Variants in RHNO1 observed in about 807,000 individuals in gnomAD.
RHNO1 encodes the protein RAD9, HUS1, RAD1-interacting nuclear orphan protein 1.
RHNO1 carries 9 observed loss-of-function variants against 7.2 expected under a neutral mutation model. The observed-to-expected ratio is 1.25, with a 90% CI of 0.75 to 2.18. The LOEUF (loss-of-function observed/expected upper bound fraction) is 2.18. Among genes scored for constraint, RHNO1 ranks in the 30% most tolerant of loss-of-function variants. RHNO1 has a pLI of 0.00. For synonymous variants in RHNO1, 95 were observed against 107.5 expected (o/e 0.88, Z 0.72); for missense variants, 292 against 284.5 (o/e 1.03, Z -0.19).
At chr12:2,880,234 G>A (rs2098155667) in intron 1 of RHNO1, among the ~76,000 whole-genome samples, 1 of 152,116 alleles carries the variant, frequency 6.6e-6, no homozygotes, top group South Asian at 2.1e-4. Flanking sequence ...AAGAGTTTGA[G>A]GCTGCAGTGA....
chr12:2,886,629 C>G (rs1162179222), intron 2 of RHNO1, among the ~76,000 whole-genome samples: 1 of 141,122 alleles, frequency 7.1e-6, no homozygotes, highest in Non-Finnish European at 1.5e-5. Context: ...GCACTCCAGC[C>G]TGGGCAACAG....
At chr12:2,877,469 C>T (rs2098148495) in intron 1 of RHNO1, among the ~76,000 whole-genome samples, 187 bp downstream of exon 1, 2 of 152,200 alleles carry the variant, frequency 1.3e-5, no homozygotes, top group Admixed American at 6.5e-5. Context: ...GGCGACACGC[C>T]CCCGCTTCCC....
chr12:2,879,781 A>G (rs2098155061), intron 1 of RHNO1, among the ~76,000 whole-genome samples: 1 of 151,922 alleles, frequency 6.6e-6, no homozygotes, highest in African/African-American at 2.4e-5. Flanking sequence ...ATACAGGCAG[A>G]TGAGTTTGCC....
rs1047405634 is a variant in RHNO1 at position 2,888,191 on chromosome 12, A to G, written c.449A>G (p.Tyr150Cys). The G allele has an allele frequency of 2.5e-6, 4 of 1,613,998 alleles. No homozygotes were observed. The highest frequency in any genetic ancestry group is 3.4e-6 in the Non-Finnish European group (4 of 1,180,036). The change falls in exon 3 of 3, where the codon TAT becomes TGT. Residue 150 changes from tyrosine (Y) to cysteine (C), a missense_variant. Physicochemically the swap from Tyr to Cys is radical, Grantham distance 194. Coordinates refer to ENST00000489288, the MANE Select transcript of RHNO1 (RefSeq NM_001252499.3). ...GTGCAGGCACTTCAGAGCTTACCTT[A>G]TGTGTTCATTCCACCTGATATCCAG... ...MSVQALQSLP[Y>C]VFIPPDIQTP...
chr12:2,879,884 AAAG>A (rs2098155203), intron 1 of RHNO1, among the ~76,000 whole-genome samples: 1 of 152,052 alleles, frequency 6.6e-6, no homozygotes, highest in South Asian at 2.1e-4. Flanking sequence ...ATTAGAGCAG[AAAG>A]AAGATAGATG....
intron 1 of RHNO1, among the ~76,000 whole-genome samples, chr12:2,883,350 T>A (rs1422935786): frequency 6.7e-6 from 1 of 150,182 alleles, no homozygotes; most frequent in African/African-American, 2.4e-5. Flanking sequence ...TACTCTAGCC[T>A]AGGCAACAGA....
intron 2 of RHNO1, 34 bp downstream of exon 2, chr12:2,885,568 T>G (rs1349301134): frequency 2.0e-5 from 13 of 649,194 alleles, no homozygotes; most frequent in South Asian, 1.1e-4. Context: ...GACATTTTTT[T>G]TTTTTTTTTT....
intron 1 of RHNO1, among the ~76,000 whole-genome samples, chr12:2,883,511 A>ATATTTT (rs2098161542): frequency 1.1e-4 from 3 of 26,826 alleles, no homozygotes; most frequent in African/African-American, 3.3e-4. Flanking sequence ...ATATATATAT[A>ATATTTT]TTTTTTTTTT....
chr12:2,887,607 C>T (rs965089190), intron 2 of RHNO1, among the ~76,000 whole-genome samples: 9 of 152,104 alleles, frequency 5.9e-5, no homozygotes, highest in Admixed American at 2.6e-4. Context: ...GAGATGGTGC[C>T]GCTGCATTCC....
intron 1 of RHNO1, among the ~76,000 whole-genome samples, chr12:2,877,676 C>G (rs979822997): frequency 4.6e-5 from 7 of 152,192 alleles, no homozygotes; most frequent in African/African-American, 1.4e-4. Flanking sequence ...TACCTCAGCG[C>G]GAAACCTGTC....
At chr12:2,879,626 GC>G (rs1353509053) in intron 1 of RHNO1, among the ~76,000 whole-genome samples, 4 of 151,714 alleles carry the variant, frequency 2.6e-5, no homozygotes, top group Non-Finnish European at 5.9e-5. Context: ...GAGCCACTGC[GC>G]TCAGCCTTAC....
chr12:2,886,275 CTGTT>C (rs1295235711), intron 2 of RHNO1: 2 of 152,196 alleles, frequency 1.3e-5, no homozygotes, highest in East Asian at 3.8e-4. Context: ...GCTAGATACT[CTGTT>C]TATTGTGTAA....
intron 1 of RHNO1, among the ~76,000 whole-genome samples, chr12:2,880,682 A>G (rs2098156381): frequency 6.6e-6 from 1 of 152,084 alleles, no homozygotes; most frequent in Non-Finnish European, 1.5e-5. Flanking sequence ...CACCTAGGCT[A>G]GAGTGCAGTG....
At chr12:2,883,511 ATTTTTTTT>A (rs869192550) in intron 1 of RHNO1, among the ~76,000 whole-genome samples, 52 of 26,830 alleles carry the variant, frequency 1.9e-3, no homozygotes, top group Middle Eastern at 0.045. Context: ...ATATATATAT[ATTTTTTTT>A]TTTTTTTTTT....
At chr12:2,881,862 G>A (rs1414378787) in intron 1 of RHNO1, among the ~76,000 whole-genome samples, 1 of 149,724 alleles carries the variant, frequency 6.7e-6, no homozygotes, top group Non-Finnish European at 1.5e-5. Context: ...CCAAGATCGC[G>A]CCACTGTACT....
At chr12:2,877,106 C>G (rs2098146652), upstream of RHNO1, 1 of 151,886 alleles carries the variant, frequency 6.6e-6, no homozygotes, top group Non-Finnish European at 1.5e-5. Context: ...GGGCCGGGGC[C>G]GGGGGTGGGG....
At position 2,889,320 on chromosome 12, in the gene RHNO1, T is replaced by C. The variant is rs895944158; in HGVS notation, c.*861T>C. ...GGATTGCGTGTGTTTTGAGTTTTTG[T>C]TTCTAACTGAAGAAATCTGTCAATA... On this transcript the variant is annotated 3_prime_UTR_variant, in exon 3 of 3. Transcript: ENST00000489288. The C allele has an allele frequency of 3.3e-5, 5 of 152,188 alleles. No homozygotes were observed. Among genetic ancestry groups the C allele is most frequent in the African/African-American group, 1.2e-4 (5 of 41,448 alleles). 9.4% of individuals were successfully genotyped at this position (152,188 alleles called of 1,614,324 possible).
At chr12:2,884,628 G>T (rs139521336) in intron 1 of RHNO1, among the ~76,000 whole-genome samples, 1,794 of 152,270 alleles carry the variant, frequency 0.012, 38 homozygotes, top group African/African-American at 0.041. Flanking sequence ...CTCCCAAAGT[G>T]CTGGGATTAC....
intron 1 of RHNO1, among the ~76,000 whole-genome samples, chr12:2,881,921 GAAAA>G (rs1021557777): frequency 6.7e-6 from 1 of 149,678 alleles, no homozygotes; most frequent in Non-Finnish European, 1.5e-5. Context: ...AAAAAAGAAA[GAAAA>G]AAAGAGAAAC....
Sources: allele counts gnomAD v4.1 joint callset (sites outside exome capture counted in the v4.1 genomes callset), GRCh38; gene constraint gnomAD v4.1.1; transcripts MANE v1.5; gene names NCBI Gene and HGNC (gene_info 2026-07-23, HGNC 2026-07-21).